VSTM1: variants seen among roughly 807,000 people sequenced by gnomAD.
The protein encoded by VSTM1 is V-set and transmembrane domain-containing protein 1.
In VSTM1, 27 loss-of-function variants were observed where a neutral mutation model predicts 33.1. The observed-to-expected ratio is 0.82, with a 90% CI of 0.60 to 1.12. The LOEUF (loss-of-function observed/expected upper bound fraction) is 1.12. Ranked by LOEUF, VSTM1 falls within the 50% of genes most tolerant of loss-of-function variation. The pLI is 0.00. For synonymous variants in VSTM1, 115 were observed against 110.3 expected, an observed-to-expected ratio of 1.04 and a Z score of -0.27; for missense variants, 304 against 288.9, an observed-to-expected ratio of 1.05 and a Z score of -0.38.
intron 5 of VSTM1, 27 bp from the exon 6 acceptor site, chr19:54,042,223 C>T (rs1386323167): frequency 6.2e-7 from 1 of 1,614,048 alleles, no homozygotes. Context: ...AGGAATTTAC[C>T]TACCGAGAAA....
intron 4 of VSTM1, among the ~76,000 whole-genome samples, chr19:54,049,772 T>C (rs1251435008): frequency 6.6e-6 from 1 of 152,100 alleles, no homozygotes; most frequent in Non-Finnish European, 1.5e-5. Flanking sequence ...CAAGAACACT[T>C]TGGAGGATAC....
intron 4 of VSTM1, among the ~76,000 whole-genome samples, chr19:54,048,577 AAGGAATATAAC>A (rs1320356335): frequency 6.6e-6 from 1 of 152,172 alleles, no homozygotes; most frequent in Non-Finnish European, 1.5e-5. Context: ...ATATTACTGG[AAGGAATATAAC>A]ATGATACAGC....
At position 54,057,741 on chromosome 19, in the gene VSTM1, G is replaced by A. The variant is rs139926521; in HGVS notation, c.355+565C>T. Among the ~76,000 whole-genome samples the A allele has an allele frequency of 4.0e-3, 589 of 148,120 alleles. 2 individuals carry two copies. Among genetic ancestry groups the A allele is most frequent in the East Asian group, 0.015 (73 of 4,816 alleles). On this transcript the variant is annotated intron_variant, in intron 3 of 8. Transcript: ENST00000338372. The stretch of plus-strand genomic sequence containing the variant: ...GGTGAATTGCATGAACCCAGGAGGC[G>A]GGGGTTGCAGTGAGCTGAGATCATG...
At chr19:54,061,016 C>CTTT (rs10693760) in intron 1 of VSTM1, among the ~76,000 whole-genome samples, 6,028 of 114,956 alleles carry the variant, frequency 0.052, 390 homozygotes, top group Middle Eastern at 0.078. Flanking sequence ...TTTTTCTTTT[C>CTTT]TTTTTTTTTT....
intron 4 of VSTM1, chr19:54,048,340 C>T: frequency 2.6e-6 from 1 of 380,498 alleles, no homozygotes; most frequent in South Asian, 1.8e-5. Context: ...GGTCTTGAAC[C>T]CCTGGGCTCA....
intron 4 of VSTM1, 111 bp from the exon 5 acceptor site, chr19:54,042,480 G>A: frequency 1.4e-6 from 2 of 1,440,080 alleles, no homozygotes; most frequent in East Asian, 2.5e-5. Context: ...TCCAAGCCTG[G>A]ATCTCCCACC....
chr19:54,061,574 A>T (rs1329644592), intron 1 of VSTM1, among the ~76,000 whole-genome samples: 1 of 152,142 alleles, frequency 6.6e-6, no homozygotes, highest in Non-Finnish European at 1.5e-5. Context: ...GTGCTTTGGG[A>T]TGCCAAGATA....
chr19:54,059,952 A>G (rs1485540480), intron 1 of VSTM1, among the ~76,000 whole-genome samples: 1 of 150,040 alleles, frequency 6.7e-6, no homozygotes, highest in Non-Finnish European at 1.5e-5. Context: ...GGTTCACGCC[A>G]TTCTCCTGCC....
At position 54,055,340 on chromosome 19, in the gene VSTM1, G is replaced by T. The variant is rs1247286528; in HGVS notation, c.355+2966C>A. ...GAAGCTCATTGTTTTTGTGACACCG[G>T]GGAGGTCACCTAATCTCTATGAGCA... On this transcript the variant is annotated intron_variant, in intron 3 of 8. Coordinates refer to ENST00000338372, the MANE Select transcript of VSTM1 (RefSeq NM_198481.4). 2.8e-5 allele frequency among the ~76,000 whole-genome samples: 4 copies of T among 141,964 alleles called. 1 individual carries two copies. Among genetic ancestry groups the T allele is most frequent in the Admixed American group, 1.4e-4 (2 of 13,822 alleles). The allele number at this position is 141,964 out of a possible 152,430, so 93.1% of individuals were successfully genotyped here.
At chr19:54,058,018 A>G (rs1164282796) in intron 3 of VSTM1, among the ~76,000 whole-genome samples, 1 of 151,970 alleles carries the variant, frequency 6.6e-6, no homozygotes, top group Non-Finnish European at 1.5e-5. Flanking sequence ...AGGCAGGTGG[A>G]TCACAAGGTC....
At chr19:54,041,728 G>A (rs376743560) in intron 8 of VSTM1, 51 bp downstream of exon 8, 228 of 1,588,168 alleles carry the variant, frequency 1.4e-4, no homozygotes, top group Middle Eastern at 1.7e-4. Flanking sequence ...CACACGACCA[G>A]CCCATTGTGG....
intron 4 of VSTM1, among the ~76,000 whole-genome samples, chr19:54,048,021 A>G (rs2070678669): frequency 6.6e-6 from 1 of 152,198 alleles, no homozygotes; most frequent in Admixed American, 6.6e-5. Flanking sequence ...TTCATTCTCT[A>G]CATTGCGATT....
chr19:54,047,380 C>T (rs117799865), intron 4 of VSTM1, among the ~76,000 whole-genome samples: 1 of 151,826 alleles, frequency 6.6e-6, no homozygotes, highest in African/African-American at 2.4e-5. Flanking sequence ...GGAACCTCCC[C>T]CTCTGGGGTT....
At chr19:54,049,016 G>A (rs759904429) in intron 4 of VSTM1, among the ~76,000 whole-genome samples, 3 of 152,224 alleles carry the variant, frequency 2.0e-5, no homozygotes, top group South Asian at 2.1e-4. Context: ...CCTGGGAGGC[G>A]GAGGTTGCAG....
chr19:54,060,408 G>A (rs1327556244), intron 1 of VSTM1, among the ~76,000 whole-genome samples: 5 of 152,158 alleles, frequency 3.3e-5, no homozygotes, highest in South Asian at 2.1e-4. Flanking sequence ...CTAGAGCCAC[G>A]ACAGTGTCTC....
chr19:54,041,200 G>C (rs1314014615), intron 8 of VSTM1, 120 bp from the exon 9 acceptor site: 1 of 1,059,082 alleles, frequency 9.4e-7, no homozygotes, highest in African/African-American at 1.7e-5. Context: ...CAGGTCCTCG[G>C]TCACACCAGA....
intron 1 of VSTM1, among the ~76,000 whole-genome samples, chr19:54,061,019 T>TTC (rs1555766703): frequency 7.7e-5 from 11 of 142,394 alleles, no homozygotes; most frequent in Non-Finnish European, 1.2e-4. Context: ...TTCTTTTCTT[T>TTC]TTTTTTTTTT....
Position 54,041,801 on chromosome 19 carries a change from T to C in VSTM1, c.569A>G (p.Asn190Ser). 6.2e-7 allele frequency: 1 copy of C among 1,613,842 alleles called. No homozygotes were observed. The highest frequency in any genetic ancestry group is 1.1e-5 in the South Asian group (1 of 91,010). Residue 190 changes from asparagine to serine, a missense_variant, in exon 8 of 9, where the codon AAT (asparagine) becomes AGT (serine). Transcript: ENST00000338372. ...EQEAAEADLSNMERVSLSTAD... is the reference protein window; with the variant it reads ...EQEAAEADLSSMERVSLSTAD... The stretch of plus-strand genomic sequence containing the variant: ...CACCGAGAGAGATACCCTTTCCATA[T>C]TGGATAAATCTGCCTCTGAGTGAGA...
At chr19:54,052,998 A>G in intron 3 of VSTM1, 1 of 167,918 alleles carries the variant, frequency 6.0e-6, no homozygotes, top group South Asian at 8.1e-5. Context: ...AAAAAAAAAA[A>G]AAAAAGCAGC....
Sources: allele counts gnomAD v4.1 joint callset (sites outside exome capture counted in the v4.1 genomes callset), GRCh38; gene constraint gnomAD v4.1.1; transcripts MANE v1.5; gene names NCBI Gene and HGNC (gene_info 2026-07-23, HGNC 2026-07-21).